The following CNTNAP2 variants were observed in gnomAD, a reference collection of about 807,000 sequenced individuals.
CNTNAP2 encodes contactin-associated protein-like 2.
CNTNAP2 carries 98 observed loss-of-function variants against 155.2 expected under a neutral mutation model. That is an observed-to-expected ratio of 0.63 (90% CI 0.54 to 0.75). The LOEUF (loss-of-function observed/expected upper bound fraction) is 0.75. Ranked by LOEUF, CNTNAP2 falls within the 30% of genes least tolerant of loss-of-function variation. CNTNAP2 has a pLI of 0.00. For missense variants in CNTNAP2, 1,727 were observed against 1,688.1 expected (o/e 1.02, Z -0.40); for synonymous variants, 651 against 631.2 (o/e 1.03, Z -0.47).
At chr7:147,117,258 CTCTGTG>C (rs1801010096) in intron 5 of CNTNAP2, among the ~76,000 whole-genome samples, 1 of 152,160 alleles carries the variant, frequency 6.6e-6, no homozygotes, top group African/African-American at 2.4e-5. Context: ...CTCCACACAG[CTCTGTG>C]TGTCAGACCC....
intron 1 of CNTNAP2, among the ~76,000 whole-genome samples, chr7:146,246,428 A>G (rs1305402470): frequency 6.7e-6 from 1 of 150,098 alleles, no homozygotes; most frequent in Non-Finnish European, 1.5e-5. Context: ...AGTTGGCATG[A>G]GAGTGGGGGT....
intron 13 of CNTNAP2, among the ~76,000 whole-genome samples, chr7:147,726,155 T>G (rs9987019): frequency 0.042 from 6,429 of 152,064 alleles, 424 homozygotes; most frequent in African/African-American, 0.15. Context: ...TTATTCAAGA[T>G]GAATAAGTTC....
intron 15 of CNTNAP2, among the ~76,000 whole-genome samples, chr7:148,071,422 T>C (rs1383955779): frequency 2.6e-5 from 4 of 152,164 alleles, no homozygotes; most frequent in African/African-American, 7.2e-5. Context: ...GAGGTTGCAG[T>C]GAGCCAAGAT....
intron 10 of CNTNAP2, among the ~76,000 whole-genome samples, chr7:147,412,366 A>ATCTCTG (rs201715161): frequency 0.016 from 2,443 of 152,076 alleles, 64 homozygotes; most frequent in African/African-American, 0.055. Context: ...CCCACCACCC[A>ATCTCTG]TCTCTGTCTC....
In CNTNAP2 at chr7:146,485,754, G is replaced by A. The variant is rs529244039; in HGVS notation, c.98-288517G>A. The stretch of plus-strand genomic sequence containing the variant: ...TCCTCCTACCTCACCCTCCTGCCAT[G>A]GAGCTTCCTTAAATAATAACAGAGT... On this transcript the variant is annotated intron_variant, in intron 1 of 23. Transcript: ENST00000361727. Among the ~76,000 whole-genome samples, 5 of 151,924 alleles carry A rather than the reference G, an allele frequency of 3.3e-5. No homozygotes were observed. In the South Asian group the frequency reaches 6.2e-4, roughly 19 times the overall value.
chr7:147,149,910 T>A (rs1421198497), intron 8 of CNTNAP2, among the ~76,000 whole-genome samples: 1 of 152,180 alleles, frequency 6.6e-6, no homozygotes, highest in East Asian at 1.9e-4. Context: ...GATATAACTA[T>A]CACAACTTGG....
intron 1 of CNTNAP2, among the ~76,000 whole-genome samples, chr7:146,149,106 AC>A (rs1797997140): frequency 6.6e-6 from 1 of 152,056 alleles, no homozygotes. Flanking sequence ...GGTGCAGCAC[AC>A]CAACATGGCA....
chr7:146,145,258 T>C (rs906478825), intron 1 of CNTNAP2, among the ~76,000 whole-genome samples: 6 of 152,030 alleles, frequency 3.9e-5, no homozygotes, highest in Admixed American at 3.9e-4. Flanking sequence ...ACCAGCTGAG[T>C]CACATTTGAA....
intron 13 of CNTNAP2, among the ~76,000 whole-genome samples, chr7:147,738,893 G>T (rs533926659): frequency 7.9e-5 from 12 of 152,046 alleles, no homozygotes; most frequent in African/African-American, 2.9e-4. Flanking sequence ...GACCTCAACT[G>T]GTCCATCTGC....
chr7:147,679,930 C>A (rs1795922209), intron 13 of CNTNAP2, among the ~76,000 whole-genome samples: 1 of 151,542 alleles, frequency 6.6e-6, no homozygotes, highest in Non-Finnish European at 1.5e-5. Flanking sequence ...GCATTCTTAG[C>A]TGTGCTTATT....
intron 14 of CNTNAP2, among the ~76,000 whole-genome samples, chr7:147,935,094 G>GT (rs5888295): frequency 0.085 from 12,277 of 144,852 alleles, 558 homozygotes; most frequent in South Asian, 0.14. Context: ...AAAGTTTTTT[G>GT]TTTTTTTTTT....
chr7:147,355,111 C>A (rs115133438), intron 9 of CNTNAP2, among the ~76,000 whole-genome samples: 2,173 of 151,866 alleles, frequency 0.014, 45 homozygotes, highest in African/African-American at 0.049. Context: ...GCTTGAGGAG[C>A]TTTAAGTGAC....
At chr7:147,165,182 A>G (rs1802091867) in intron 8 of CNTNAP2, among the ~76,000 whole-genome samples, 1 of 151,330 alleles carries the variant, frequency 6.6e-6, no homozygotes, top group Non-Finnish European at 1.5e-5. Flanking sequence ...TTTTTTCTTT[A>G]TGGCCATTCT....
intron 1 of CNTNAP2, among the ~76,000 whole-genome samples, chr7:146,760,409 C>CTTTGTTTTTTTTTTTTTTTTTT (rs1802074281): frequency 1.8e-5 from 1 of 56,276 alleles, no homozygotes; most frequent in Non-Finnish European, 3.0e-5. Context: ...TCCAATTTAC[C>CTTTGTTTTTTTTTTTTTTTTTT]TTTTTTTTTT....
intron 1 of CNTNAP2, among the ~76,000 whole-genome samples, chr7:146,168,814 A>G (rs1467551796): frequency 2.0e-5 from 3 of 152,166 alleles, no homozygotes; most frequent in African/African-American, 7.2e-5. Flanking sequence ...TGACCCCTTA[A>G]GTAAAAGTCA....
rs76736096 is a variant in CNTNAP2 at position 147,239,512 on chromosome 7, A to C, written c.1349-60629A>C. On this transcript the variant is annotated intron_variant, in intron 8 of 23. Coordinates refer to ENST00000361727, the MANE Select transcript of CNTNAP2 (RefSeq NM_014141.6). ...GCAATAGAGCGAGACTCCGTTTCCA[A>C]AAAAAAAAAAAAAAAGGACACTTTA... is the stretch of plus-strand genomic sequence containing the variant. 2.1e-5 allele frequency among the ~76,000 whole-genome samples: 3 copies of C among 145,038 alleles called. No individual in the cohort carries two copies. The East Asian group carries it at 6.0e-4, about 29-fold the overall frequency.
chr7:146,788,179 C>T (rs538036207), intron 2 of CNTNAP2, among the ~76,000 whole-genome samples: 11 of 152,272 alleles, frequency 7.2e-5, no homozygotes, highest in East Asian at 1.9e-4. Context: ...ACCAAGCCGG[C>T]GCCCACCTGG....
chr7:147,903,873 C>T, intron 14 of CNTNAP2, 152 bp downstream of exon 14: 1 of 1,027,036 alleles, frequency 9.7e-7, no homozygotes, highest in Admixed American at 2.0e-5. Context: ...ATGTCAGGAA[C>T]ATACTGAAAA....
intron 1 of CNTNAP2, among the ~76,000 whole-genome samples, chr7:146,212,703 G>T (rs1015116526): frequency 1.3e-5 from 2 of 152,136 alleles, no homozygotes; most frequent in Non-Finnish European, 2.9e-5. Flanking sequence ...GTGATGAAAA[G>T]GTACATAGAA....
Sources: gnomAD v4.1 joint callset for allele counts (sites outside exome capture counted in the v4.1 genomes callset) on GRCh38, gnomAD v4.1.1 for gene constraint, MANE v1.5 for transcripts, NCBI Gene and HGNC (gene_info 2026-07-23, HGNC 2026-07-21) for gene names.